Variants in TBC1D17 observed in about 807,000 individuals in gnomAD.
TBC1D17 encodes the protein TBC1 domain family member 17.
TBC1D17 carries 69 observed loss-of-function variants against 78.8 expected under a neutral mutation model. That is an observed-to-expected ratio of 0.88 (90% CI 0.72 to 1.07). The LOEUF (loss-of-function observed/expected upper bound fraction) is 1.07. TBC1D17 is among the 50% of genes least tolerant of loss of function. The pLI, the probability that TBC1D17 is intolerant of heterozygous loss-of-function variation, is 0.00. For missense variants in TBC1D17, 957 were observed against 861.0 expected (o/e 1.11, Z -1.39); for synonymous variants, 456 against 358.3 (o/e 1.27, Z -3.08).
chr19:49,880,255 T>A, intron 3 of TBC1D17, 24 bp from the exon 4 acceptor site: 1 of 1,613,260 alleles, frequency 6.2e-7, no homozygotes, highest in Non-Finnish European at 8.5e-7. Context: ...GGCCCCTTAC[T>A]GTCTGCTCCT....
At chr19:49,877,958 C>A in intron 1 of TBC1D17, 185 bp from the exon 2 acceptor site, 1 of 718,758 alleles carries the variant, frequency 1.4e-6, no homozygotes, top group Non-Finnish European at 2.3e-6. Context: ...TTGAGCCCTG[C>A]CCCCTGTGGA....
chr19:49,879,036 C>G (rs976282414), intron 3 of TBC1D17: 4 of 162,498 alleles, frequency 2.5e-5, no homozygotes, highest in Admixed American at 1.2e-4. Context: ...CAGATCCAGA[C>G]CCACCTAAGC....
Position 49,888,326 on chromosome 19 carries a change from C to A in TBC1D17, c.1746+9C>A. ...AGCTAACCGCCTGCCCCGTGAGTCC[C>A]CGTCCGCCCCGCAGCGCCCCGCCCG... On this transcript the variant is annotated intron_variant, in intron 16 of 16. Coordinates refer to ENST00000221543, the MANE Select transcript of TBC1D17 (RefSeq NM_024682.3). 6.4e-7 allele frequency: 1 copy of A among 1,560,580 alleles called. No individual in the cohort carries two copies. The highest frequency in any genetic ancestry group is 2.4e-5 in the East Asian group (1 of 42,114).
Position 49,883,683 on chromosome 19 carries a change from A to T in TBC1D17, c.1064A>T (p.Lys355Ile). The T allele has an allele frequency of 6.2e-7, 1 of 1,613,966 alleles. No individual in the cohort carries two copies. Among genetic ancestry groups the T allele is most frequent in the Non-Finnish European group, 8.5e-7 (1 of 1,179,978 alleles). Residue 355 changes from lysine (K) to isoleucine (I), a missense_variant, in exon 10 of 17, where the codon AAA becomes ATA. Coordinates refer to ENST00000221543, the MANE Select transcript of TBC1D17 (RefSeq NM_024682.3). ...TATTTCCGCATGAAGCTGCAGTGGAAATCTGTGAGCCCTGAGCAGGAGCGG... is the reference window on the plus strand; with the variant it reads ...TATTTCCGCATGAAGCTGCAGTGGATATCTGTGAGCCCTGAGCAGGAGCGG... Reference protein sequence around the residue: ...DEYFRMKLQWKSVSPEQERRN... With the variant: ...DEYFRMKLQWISVSPEQERRN...
chr19:49,887,858 C>G (rs1568679168), intron 15 of TBC1D17, 24 bp downstream of exon 15: 3 of 1,571,040 alleles, frequency 1.9e-6, no homozygotes, highest in Non-Finnish European at 8.7e-7. Context: ...CCCGCCCCCG[C>G]CCTGTCCCCC....
At chr19:49,883,810 A>G (rs2122454167) in intron 10 of TBC1D17, 65 bp downstream of exon 10, 1 of 1,414,002 alleles carries the variant, frequency 7.1e-7, no homozygotes, top group South Asian at 1.2e-5. Context: ...CCTCAGGCAT[A>G]AGTGCGAGTG....
intron 3 of TBC1D17, 61 bp from the exon 4 acceptor site, chr19:49,880,218 A>G: frequency 1.3e-6 from 2 of 1,586,908 alleles, no homozygotes; most frequent in Non-Finnish European, 1.7e-6. Context: ...CTTCCAGGGT[A>G]GCCTCGAGGC....
In TBC1D17 at chr19:49,882,069, G is replaced by A; in HGVS notation, c.556G>A (p.Val186Ile). Residue 186 changes from valine (V) to isoleucine (I), a missense_variant, in exon 6 of 17, where the codon GTC becomes ATC. Physicochemically the swap from Val to Ile is conservative, Grantham distance 29. Coordinates refer to ENST00000221543, the MANE Select transcript of TBC1D17 (RefSeq NM_024682.3). ...CCCGCAGGACTCCCGCCTCTACCTT[G>A]TCTTCCCCCACGACTCCTCTGCTCT... ...SSPQDSRLYL[V>I]FPHDSSALSN... The A allele has an allele frequency of 6.2e-7, 1 of 1,614,046 alleles. No individual in the cohort carries two copies. Among genetic ancestry groups the A allele is most frequent in the East Asian group, 2.2e-5 (1 of 44,886 alleles).
chr19:49,883,156 G>C, intron 9 of TBC1D17, 80 bp downstream of exon 9: 2 of 1,338,864 alleles, frequency 1.5e-6, no homozygotes, highest in Non-Finnish European at 2.1e-6. Flanking sequence ...TTCTGTGGAC[G>C]CTGGTTGTGA....
intron 11 of TBC1D17, 21 bp downstream of exon 11, chr19:49,884,390 C>A (rs755291386): frequency 1.9e-6 from 3 of 1,613,514 alleles, no homozygotes; most frequent in African/African-American, 2.7e-5. Flanking sequence ...GGCCTGGGGA[C>A]GGGCGTGGCC....
chr19:49,888,606 C>T lies in TBC1D17; in HGVS notation c.1929C>T (p.Asp643=), dbSNP rs910382744. 2.0e-6 allele frequency: 3 copies of T among 1,535,360 alleles called. No individual in the cohort carries two copies. The highest frequency in any genetic ancestry group is 3.9e-5 in the Admixed American group (2 of 50,858). Residue 643 remains aspartate, a synonymous_variant, in exon 17 of 17, where the codon GAC becomes GAT. Transcript: ENST00000221543. ...TGGAGATCCTGCCCGAGGAGGAGGA[C>T]GAGGGCGCCGACTCCTAACCCCGCC... ...SSLEILPEEE[D]EGADS
intron 13 of TBC1D17, chr19:49,887,240 C>T (rs2075065916): frequency 1.9e-6 from 1 of 530,196 alleles, no homozygotes; most frequent in Non-Finnish European, 3.4e-6. Context: ...GGGCGTCCTG[C>T]CTCCCTTCCA....
At position 49,882,417 on chromosome 19, in the gene TBC1D17, C is replaced by T; in HGVS notation, c.798+17C>T. On this transcript the variant is annotated intron_variant, in intron 7 of 16. Transcript: ENST00000221543. ...ATTTCCTGTGTGAGTAGTGAGTGGA[C>T]CCTCCCTGTTATTTCTGGCCGTGTC... is the stretch of plus-strand genomic sequence containing the variant. The T allele has an allele frequency of 6.3e-7, 1 of 1,592,068 alleles. No homozygotes were observed. The highest frequency in any genetic ancestry group is 8.5e-7 in the Non-Finnish European group (1 of 1,171,302).
In TBC1D17 at chr19:49,884,646, T is replaced by G. The variant is rs762218775; in HGVS notation, c.1345-13T>G. 2.8e-5 allele frequency: 45 copies of G among 1,614,068 alleles called. 1 individual carries two copies. In the South Asian group the frequency reaches 4.8e-4, roughly 17 times the overall value. ...ACGGGGTCTGCTCTTTCCCCCCTCC[T>G]TCCGTCCCACAGCAAGGGAACTTTG... On this transcript the variant is annotated splice_polypyrimidine_tract_variant and intron_variant, in intron 12 of 16. Coordinates refer to ENST00000221543, the MANE Select transcript of TBC1D17 (RefSeq NM_024682.3).
chr19:49,887,250 A>G, intron 13 of TBC1D17: 1 of 543,580 alleles, frequency 1.8e-6, no homozygotes. Context: ...CCTCCCTTCC[A>G]TGTCCATGGC....
rs551948871 is a variant in TBC1D17 at position 49,887,273 on chromosome 19, A to G, written c.1445-203A>G. On this transcript the variant is annotated intron_variant, in intron 13 of 16. Transcript: ENST00000221543. Reference sequence around the variant, plus strand: ...CCATGTCCATGGCAGATGTGGAAGTATAATAGCACACTTCCTCTGGAGAGT... The same window carrying G: ...CCATGTCCATGGCAGATGTGGAAGTGTAATAGCACACTTCCTCTGGAGAGT... 8.7e-6 allele frequency: 5 copies of G among 577,834 alleles called. No individual in the cohort carries two copies. In the Admixed American group the frequency reaches 1.2e-4, roughly 13 times the overall value. 35.8% of individuals were successfully genotyped at this position (577,834 alleles called of 1,614,324 possible). A position where few individuals can be genotyped will look rare whatever the true frequency, so the allele number is the denominator to read the frequency against.
chr19:49,883,507 C>G, intron 9 of TBC1D17, 144 bp from the exon 10 acceptor site: 1 of 650,576 alleles, frequency 1.5e-6, no homozygotes, highest in Non-Finnish European at 2.8e-6. Context: ...GGGATAGTGG[C>G]AAGAATGACG....
At chr19:49,882,204 A>C (rs1052169352) in intron 6 of TBC1D17, 38 bp from the exon 7 acceptor site, 3 of 1,612,864 alleles carry the variant, frequency 1.9e-6, no homozygotes, top group African/African-American at 1.3e-5. Flanking sequence ...AGGGACGAGA[A>C]GGGGCGGGCC....
At chr19:49,884,123 T>G (rs530076647) in intron 10 of TBC1D17, 130 bp from the exon 11 acceptor site, 1 of 814,418 alleles carries the variant, frequency 1.2e-6, no homozygotes. Context: ...CCAGCTCTGC[T>G]TCTCCCCCAG....
Sources: allele counts gnomAD v4.1 joint callset, GRCh38; gene constraint gnomAD v4.1.1; transcripts MANE v1.5; gene names NCBI Gene and HGNC (gene_info 2026-07-23, HGNC 2026-07-21).